Variants in LMNTD1 observed in about 807,000 individuals in gnomAD.
LMNTD1 encodes the protein lamin tail domain containing 1.
In LMNTD1, 35 loss-of-function variants were observed where a neutral mutation model predicts 50.9. The observed-to-expected ratio is 0.69, with a 90% CI of 0.53 to 0.91. The LOEUF (loss-of-function observed/expected upper bound fraction) is 0.91. Ranked by LOEUF, LMNTD1 falls within the 40% of genes least tolerant of loss-of-function variation. The pLI, the probability that LMNTD1 is intolerant of heterozygous loss-of-function variation, is 0.00. For synonymous variants in LMNTD1, 153 were observed against 161.9 expected, an observed-to-expected ratio of 0.94 and a Z score of 0.42; for missense variants, 470 against 475.5, an observed-to-expected ratio of 0.99 and a Z score of 0.11.
intron 1 of LMNTD1, among the ~76,000 whole-genome samples, chr12:25,584,806 ATC>A (rs1945450715): frequency 6.6e-6 from 1 of 152,204 alleles, no homozygotes; most frequent in African/African-American, 2.4e-5. Flanking sequence ...GAAAATTTTC[ATC>A]ATAGACTGGG....
At chr12:25,513,208 A>G (rs1940442301) in intron 8 of LMNTD1, among the ~76,000 whole-genome samples, 1 of 152,258 alleles carries the variant, frequency 6.6e-6, no homozygotes, top group Non-Finnish European at 1.5e-5. Context: ...CCGATTAAAA[A>G]TATGAATAAG....
intron 9 of LMNTD1, among the ~76,000 whole-genome samples, chr12:25,503,341 T>G (rs1939493688): frequency 1.3e-5 from 2 of 152,234 alleles, no homozygotes; most frequent in Admixed American, 1.3e-4. Context: ...AGCTGCAGTC[T>G]CATTAGCCAG....
chr12:25,632,061 G>A (rs1291517669), intron 1 of LMNTD1, among the ~76,000 whole-genome samples: 2 of 152,102 alleles, frequency 1.3e-5, no homozygotes, highest in Admixed American at 6.5e-5. Context: ...TTCAGAGCTC[G>A]AAGACAAGGT....
intron 4 of LMNTD1, among the ~76,000 whole-genome samples, chr12:25,546,067 G>A (rs535954675): frequency 6.6e-6 from 1 of 151,478 alleles, no homozygotes; most frequent in African/African-American, 2.4e-5. Flanking sequence ...ATATATATTA[G>A]ATCCATCTAA....
rs146549369 is a variant in LMNTD1 at position 25,632,911 on chromosome 12, T to C, written c.58+15583A>G. Among the ~76,000 whole-genome samples the C allele has an allele frequency of 1.6e-3, 240 of 152,222 alleles. 5 individuals carry two copies. In the East Asian group the frequency reaches 0.04, roughly 25 times the overall value. Reference sequence around the variant, plus strand: ...TAAGAACTCACCAACCAACTATCTGTTGCCTTCAGGAGACTTGCCTAACAC... The same window carrying C: ...TAAGAACTCACCAACCAACTATCTGCTGCCTTCAGGAGACTTGCCTAACAC... On this transcript the variant is annotated intron_variant, in intron 1 of 7. Coordinates refer to the LMNTD1 transcript ENST00000445693.
intron 1 of LMNTD1, among the ~76,000 whole-genome samples, chr12:25,607,127 T>C: frequency 6.6e-6 from 1 of 152,204 alleles, no homozygotes; most frequent in Non-Finnish European, 1.5e-5. Context: ...CGTAGAGGTG[T>C]TTATAGTATT....
At chr12:25,538,418 T>A (rs1942780061) in intron 4 of LMNTD1, among the ~76,000 whole-genome samples, 1 of 149,938 alleles carries the variant, frequency 6.7e-6, no homozygotes, top group Non-Finnish European at 1.5e-5. Flanking sequence ...GGACCAATAT[T>A]CAACATTCTT....
intron 1 of LMNTD1, among the ~76,000 whole-genome samples, chr12:25,645,045 T>C (rs1947037944): frequency 6.6e-6 from 1 of 152,152 alleles, no homozygotes; most frequent in Admixed American, 6.5e-5. Flanking sequence ...GGAACTTTAT[T>C]AGGGAAAACT....
intron 4 of LMNTD1, among the ~76,000 whole-genome samples, chr12:25,533,778 A>G (rs1389917303): frequency 6.6e-6 from 1 of 152,218 alleles, no homozygotes; most frequent in Non-Finnish European, 1.5e-5. Flanking sequence ...CATCACTACG[A>G]CAAGGTTCTA....
At chr12:25,631,593 C>G (rs558166472) in intron 1 of LMNTD1, among the ~76,000 whole-genome samples, 33 of 152,274 alleles carry the variant, frequency 2.2e-4, no homozygotes, top group Middle Eastern at 3.4e-3. Context: ...TCCATAAGAA[C>G]AGGGGAAGAG....
At chr12:25,560,250 T>A (rs1944242854) in intron 1 of LMNTD1, among the ~76,000 whole-genome samples, 1 of 152,258 alleles carries the variant, frequency 6.6e-6, no homozygotes, top group Non-Finnish European at 1.5e-5. Context: ...CAGTTTCAGC[T>A]TTCTACATAT....
chr12:25,482,490 A>G (rs1030625895), intron 9 of LMNTD1, among the ~76,000 whole-genome samples: 4 of 151,994 alleles, frequency 2.6e-5, no homozygotes, highest in African/African-American at 7.3e-5. Flanking sequence ...CTGTTGACCC[A>G]TTATGCTTTT....
chr12:25,524,762 C>T (rs1191960158), intron 6 of LMNTD1, among the ~76,000 whole-genome samples: 1 of 152,094 alleles, frequency 6.6e-6, no homozygotes, highest in Non-Finnish European at 1.5e-5. Context: ...GAAAATTAAT[C>T]TAAGTAAATA....
At position 25,519,952 on chromosome 12, in the gene LMNTD1, C is replaced by G; in HGVS notation, c.922G>C (p.Ala308Pro). The part of the protein sequence containing the change: ...TFRKRVFQWT[A>P]STATITKEKQ... ...TCTTTAGTTATTGTAGCTGTAGATG[C>G]TGTCCACTGAAACACACGCTTTCGG... The change falls in exon 7 of 10, where the codon GCA (alanine) becomes CCA (proline). Residue 308 changes from alanine to proline, a missense_variant. By Grantham distance (27) the Ala-to-Pro change is conservative. Coordinates refer to ENST00000458174, the MANE Select transcript of LMNTD1 (RefSeq NM_001145728.2). 1 of 1,612,964 alleles carries G rather than the reference C, an allele frequency of 6.2e-7. No homozygotes were observed.
intron 9 of LMNTD1, among the ~76,000 whole-genome samples, chr12:25,497,955 T>C (rs1939159336): frequency 6.6e-6 from 1 of 152,130 alleles, no homozygotes. Flanking sequence ...TTTAATCTTT[T>C]AAAAGAAGAT....
At chr12:25,490,176 A>T (rs7303078) in intron 9 of LMNTD1, among the ~76,000 whole-genome samples, 1 of 152,116 alleles carries the variant, frequency 6.6e-6, no homozygotes, top group Admixed American at 6.5e-5. Flanking sequence ...AAAGTTAGCA[A>T]GAAATAAGCA....
intron 1 of LMNTD1, among the ~76,000 whole-genome samples, chr12:25,593,914 C>T (rs1849015): frequency 0.28 from 42,497 of 151,544 alleles, 7,474 homozygotes; most frequent in East Asian, 0.8. Flanking sequence ...CTTATAGAAA[C>T]GCAAAATGCT....
chr12:25,534,879 C>G (rs559909444), intron 4 of LMNTD1, among the ~76,000 whole-genome samples: 1 of 152,224 alleles, frequency 6.6e-6, no homozygotes, highest in East Asian at 1.9e-4. Context: ...CTTAAAGCCT[C>G]AAACTATTTC....
chr12:25,483,337 T>C (rs1938507166), intron 9 of LMNTD1, among the ~76,000 whole-genome samples: 1 of 151,790 alleles, frequency 6.6e-6, no homozygotes, highest in African/African-American at 2.4e-5. Flanking sequence ...GGAGGGAGGA[T>C]TGCTTGAGTT....
Sources: allele counts gnomAD v4.1 joint callset (sites outside exome capture counted in the v4.1 genomes callset), GRCh38; gene constraint gnomAD v4.1.1; transcripts MANE v1.5; gene names NCBI Gene and HGNC (gene_info 2026-07-23, HGNC 2026-07-21).